IGSF8: variants seen among roughly 807,000 people sequenced by gnomAD.
The protein encoded by IGSF8 is immunoglobulin superfamily member 8.
In IGSF8, 46 loss-of-function variants were observed where a neutral mutation model predicts 55.5. The ratio of observed to expected loss-of-function variants is 0.83; its 90% CI spans 0.65 to 1.06. IGSF8 has a LOEUF of 1.06. IGSF8 is among the 50% of genes least tolerant of loss of function. The probability of loss-of-function intolerance (pLI) is 0.00; values close to 1 mark genes in which losing one functional copy is unlikely to be tolerated. For missense variants in IGSF8, 731 were observed against 832.3 expected (o/e 0.88, Z 1.50); for synonymous variants, 314 against 356.1 (o/e 0.88, Z 1.33).
At position 160,092,911 on chromosome 1, in the gene IGSF8, A is replaced by G; in HGVS notation, c.1312+13T>C. 1 of 1,586,510 alleles carries G rather than the reference A, an allele frequency of 6.3e-7. No individual in the cohort carries two copies. The highest frequency in any genetic ancestry group is 8.6e-7 in the Non-Finnish European group (1 of 1,159,970). ...AATCCTCGAACCCCGTCCAGGGCCC[A>G]GCCCCCTCTCACCTTCCTCCCGCAC... On this transcript the variant is annotated intron_variant, in intron 4 of 6. Transcript: ENST00000314485.
At position 160,092,934 on chromosome 1, in the gene IGSF8, C is replaced by T. The variant is rs1422779418; in HGVS notation, c.1302G>A (p.Val434=). 6.3e-7 allele frequency: 1 copy of T among 1,596,934 alleles called. No homozygotes were observed. Among genetic ancestry groups the T allele is most frequent in the Non-Finnish European group, 8.6e-7 (1 of 1,166,302 alleles). Reference sequence around the variant, plus strand: ...CCAGCCCCCTCTCACCTTCCTCCCGCACATGTACAGGGAGAGGCCGGGAAC... The same window carrying T: ...CCAGCCCCCTCTCACCTTCCTCCCGTACATGTACAGGGAGAGGCCGGGAAC... ...SARSRPLPVH[V]REEGVVLEAV... The change falls in exon 4 of 7, where the codon GTG becomes GTA. Residue 434 remains valine, a synonymous_variant. Transcript: ENST00000314485.
At chr1:160,097,940 G>A (rs1650552771) in intron 1 of IGSF8, 1 of 985,512 alleles carries the variant, frequency 1.0e-6, no homozygotes. Context: ...AGCGCAACTG[G>A]GAGAGACTTA....
chr1:160,095,125 G>A lies in IGSF8; in HGVS notation c.186C>T (p.Phe62=), dbSNP rs765376101. The part of the protein sequence containing the change: ...TGYEGPAQQN[F]EWFLYRPEAP... ...CCTCGGGCCTATACAGGAACCACTC[G>A]AAGTTCTGCTGGGCAGGGCCCTCAT... Residue 62 remains phenylalanine, a synonymous_variant, in exon 2 of 7, where the codon TTC becomes TTT. Coordinates refer to ENST00000314485, the MANE Select transcript of IGSF8 (RefSeq NM_052868.6). 1.2e-5 allele frequency: 20 copies of A among 1,614,006 alleles called. No individual in the cohort carries two copies. Among genetic ancestry groups the A allele is most frequent in the East Asian group, 6.7e-5 (3 of 44,890 alleles).
chr1:160,097,037 C>A (rs1282051119), intron 1 of IGSF8, among the ~76,000 whole-genome samples: 1 of 152,202 alleles, frequency 6.6e-6, no homozygotes, highest in African/African-American at 2.4e-5. Context: ...GTATCAGTCG[C>A]AGCAAGGAAA....
At chr1:160,097,818 G>A in intron 1 of IGSF8, 1 of 985,474 alleles carries the variant, frequency 1.0e-6, no homozygotes, top group Non-Finnish European at 1.2e-6. Flanking sequence ...CTGATGGGTG[G>A]CTGCAGAGCC....
rs776299222 is a variant in IGSF8, at chr1:160,094,872, T to C, written c.439A>G (p.Arg147Gly). The change falls in exon 2 of 7, where the codon AGA (arginine) becomes GGA (glycine). Residue 147 changes from arginine to glycine, a missense_variant. By Grantham distance (125) the Arg-to-Gly change is moderately radical. Transcript: ENST00000314485. This position sits in a 1 kb window ranked among gnomAD's most constrained non-coding sequence, Gnocchi z 4.0. ...LGSYSGKVEL[R>G]VLPDVLQVSA... ...ACCCCGTCCCAGGGCCCAGTACCTCTCAGCTCCACCTTGCCGCTGTAGCTG... is the reference window on the plus strand; with the variant it reads ...ACCCCGTCCCAGGGCCCAGTACCTCCCAGCTCCACCTTGCCGCTGTAGCTG... 17 of 1,611,334 alleles carry C rather than the reference T, an allele frequency of 1.1e-5. No homozygotes were observed. The highest frequency in any genetic ancestry group is 1.4e-5 in the Non-Finnish European group (17 of 1,178,312).
Position 160,095,083 on chromosome 1 carries a change from C to G in IGSF8, c.228G>C (p.Leu76=). ...GGGTATCCTTGGTACTGACAATGCCCAGTGCAGTATCTGGGGCCTCGGGCC... is the reference window on the plus strand; with the variant it reads ...GGGTATCCTTGGTACTGACAATGCCGAGTGCAGTATCTGGGGCCTCGGGCC... ...LYRPEAPDTA[L]GIVSTKDTQF... Residue 76 remains leucine, a synonymous_variant, in exon 2 of 7, where the codon CTG becomes CTC. Transcript: ENST00000314485. The G allele has an allele frequency of 6.2e-7, 1 of 1,614,136 alleles. No individual in the cohort carries two copies. The highest frequency in any genetic ancestry group is 8.5e-7 in the Non-Finnish European group (1 of 1,180,020).
At chr1:160,098,698 G>GCAACGCCCCTTC, upstream of IGSF8, 3 of 475,500 alleles carry the variant, frequency 6.3e-6, no homozygotes, top group Middle Eastern at 1.1e-3. Flanking sequence ...GCCCGCCCCG[G>GCAACGCCCCTTC]CACCGCCCCT....
intron 3 of IGSF8, 151 bp downstream of exon 3, chr1:160,093,559 G>T: frequency 1.3e-6 from 1 of 785,814 alleles, no homozygotes; most frequent in Non-Finnish European, 2.0e-6. Context: ...TCAAGGGCCG[G>T]GGGAGAGAAA....
chr1:160,094,776 C>T lies in IGSF8; in HGVS notation c.442+93G>A. 2 of 1,403,496 alleles carry T rather than the reference C, an allele frequency of 1.4e-6. No homozygotes were observed. The highest frequency in any genetic ancestry group is 2.4e-5 in the East Asian group (1 of 42,040). The allele number at this position is 1,403,496 out of a possible 1,614,324, so 86.9% of individuals were successfully genotyped here. Reference sequence around the variant, plus strand: ...CTTTGGGCCTCAAGTTCCTTGGCTACAAAACCTAAGGGGCAACTAGATAGG... The same window carrying T: ...CTTTGGGCCTCAAGTTCCTTGGCTATAAAACCTAAGGGGCAACTAGATAGG... On this transcript the variant is annotated intron_variant, in intron 2 of 6. Transcript: ENST00000314485. The surrounding 1 kb of genome is among the most constrained non-coding windows in gnomAD (Gnocchi z 4.0).
chr1:160,093,262 A>C lies in IGSF8; in HGVS notation c.974T>G (p.Leu325Arg). 1 of 1,613,610 alleles carries C rather than the reference A, an allele frequency of 6.2e-7. No individual in the cohort carries two copies. Among genetic ancestry groups the C allele is most frequent in the South Asian group, 1.1e-5 (1 of 91,054 alleles). Residue 325 changes from leucine (L) to arginine (R), a missense_variant, in exon 4 of 7, where the codon CTG becomes CGG. Leu to Arg is a moderately radical substitution (Grantham distance 102, BLOSUM62 -2). Transcript: ENST00000314485. The stretch of plus-strand genomic sequence containing the variant: ...GGGAAGTGCCCCTGACACATTGCAC[A>C]GCAGTTCCAAGGGCTCCCCTGGGCC... The part of the protein sequence containing the change: ...RIGPGEPLEL[L>R]CNVSGALPPA...
rs760557003 is a variant in IGSF8 at position 160,092,549 on chromosome 1, C to G, written c.1459G>C (p.Gly487Arg). 6.2e-7 allele frequency: 1 copy of G among 1,611,862 alleles called. No homozygotes were observed. The highest frequency in any genetic ancestry group is 1.1e-5 in the South Asian group (1 of 91,032). The change falls in exon 5 of 7, where the codon GGA (glycine) becomes CGA (arginine). Residue 487 changes from glycine to arginine, a missense_variant. Transcript: ENST00000314485. ...ASWWVERPED[G>R]ELSSVPAQLV... ...TGGGCAGGGACAGAGCTGAGCTCTC[C>G]GTCCTCTGGTCGCTCCACCCACCAG...
In IGSF8 at chr1:160,092,533, A is replaced by G; in HGVS notation, c.1475T>C (p.Val492Ala). Residue 492 changes from valine (V) to alanine (A), a missense_variant, in exon 5 of 7, where the codon GTC (valine) becomes GCC (alanine). Physicochemically the swap from Val to Ala is moderately conservative, Grantham distance 64 (BLOSUM62 0). Transcript: ENST00000314485. ...ERPEDGELSS[V>A]PAQLVGGVGQ... ...TACGCCACCCACCAGCTGGGCAGGG[A>G]CAGAGCTGAGCTCTCCGTCCTCTGG... 6.2e-7 allele frequency: 1 copy of G among 1,612,818 alleles called. No individual in the cohort carries two copies. The highest frequency in any genetic ancestry group is 8.5e-7 in the Non-Finnish European group (1 of 1,179,750).
chr1:160,096,786 A>G (rs1235959649), intron 1 of IGSF8, among the ~76,000 whole-genome samples: 1 of 152,108 alleles, frequency 6.6e-6, no homozygotes, highest in Admixed American at 6.5e-5. Flanking sequence ...AGCTCTGACC[A>G]TGTGTGAGTG....
rs1369743676 is a variant in IGSF8 at position 160,092,365 on chromosome 1, G to C, written c.1643C>G (p.Ala548Gly). Residue 548 changes from alanine to glycine, a missense_variant, in exon 5 of 7, where the codon GCC becomes GGC. Coordinates refer to ENST00000314485, the MANE Select transcript of IGSF8 (RefSeq NM_052868.6). ...DEGVYHCAPS[A>G]WVQHADYSWY... Reference sequence around the variant, plus strand: ...GCTGTAGTCGGCATGCTGCACCCAGGCGCTGGGGGCACAGTGGTACACGCC... The same window carrying C: ...GCTGTAGTCGGCATGCTGCACCCAGCCGCTGGGGGCACAGTGGTACACGCC... 1 of 1,613,824 alleles carries C rather than the reference G, an allele frequency of 6.2e-7. No individual in the cohort carries two copies.
Position 160,097,842 on chromosome 1 carries a change from GAGA to G in IGSF8, c.64+564_64+566del, listed in dbSNP as rs1459261445. 61 of 985,500 alleles carry G rather than the reference GAGA, an allele frequency of 6.2e-5. No individual in the cohort carries two copies. In the Middle Eastern group the frequency reaches 4.2e-3, roughly 68 times the overall value. The allele number at this position is 985,500 out of a possible 1,614,324, so 61.0% of individuals were successfully genotyped here. A position where few individuals can be genotyped will look rare whatever the true frequency, so the allele number is the denominator to read the frequency against. On this transcript the variant is annotated intron_variant, in intron 1 of 6. Coordinates refer to ENST00000314485, the MANE Select transcript of IGSF8 (RefSeq NM_052868.6). ...GGCTGCAGAGCCAAGTGCCATTTGG[GAGA>G]CAGGAAGAAGGGCAAAGAGGGACCC...
upstream of IGSF8, among the ~76,000 whole-genome samples, chr1:160,099,185 A>G (rs879904157): frequency 5.3e-5 from 8 of 151,028 alleles, no homozygotes; most frequent in Non-Finnish European, 7.4e-5. Context: ...ATTCCCACCC[A>G]CCCTCGCACA....
chr1:160,093,685 A>G lies in IGSF8; in HGVS notation c.904+25T>C, dbSNP rs559947799. 9.0e-6 allele frequency: 14 copies of G among 1,560,474 alleles called. No homozygotes were observed. In the South Asian group the frequency reaches 1.6e-4, roughly 17 times the overall value. Reference sequence around the variant, plus strand: ...GGATACTGTCCCTCCCAGCTCCCACAGTGGGATGTATAAGTGGCACTTACA... The same window carrying G: ...GGATACTGTCCCTCCCAGCTCCCACGGTGGGATGTATAAGTGGCACTTACA... On this transcript the variant is annotated intron_variant, in intron 3 of 6. Transcript: ENST00000314485.
At position 160,094,262 on chromosome 1, in the gene IGSF8, T is replaced by C; in HGVS notation, c.443-91A>G. On this transcript the variant is annotated intron_variant, in intron 2 of 6. Coordinates refer to ENST00000314485, the MANE Select transcript of IGSF8 (RefSeq NM_052868.6). This position sits in a 1 kb window ranked among gnomAD's most constrained non-coding sequence, Gnocchi z 4.0. ...ATAGCCTATCTCCCTAAATAAACTG[T>C]GAGCTCCCAGAGGGCAAAGATCGCA... The C allele has an allele frequency of 1.2e-6, 1 of 814,124 alleles. No individual in the cohort carries two copies. Among genetic ancestry groups the C allele is most frequent in the South Asian group, 1.8e-5 (1 of 56,452 alleles). The allele number at this position is 814,124 out of a possible 1,614,324, so 50.4% of individuals were successfully genotyped here. A position where few individuals can be genotyped will look rare whatever the true frequency, so the allele number is the denominator to read the frequency against.
Sources: allele counts gnomAD v4.1 joint callset (sites outside exome capture counted in the v4.1 genomes callset), GRCh38; gene constraint gnomAD v4.1.1; non-coding constraint Gnocchi (gnomAD v3.1); transcripts MANE v1.5; gene names NCBI Gene and HGNC (gene_info 2026-07-23, HGNC 2026-07-21).